Variants in KIAA0586 observed in about 807,000 individuals in gnomAD.
The protein encoded by KIAA0586 is protein TALPID3.
A neutral mutation model predicts 169.8 loss-of-function variants in KIAA0586; 144 were observed. That is an observed-to-expected ratio of 0.85 (90% CI 0.74 to 0.97). The LOEUF (loss-of-function observed/expected upper bound fraction) is 0.97. Ranked by LOEUF, KIAA0586 falls within the 50% of genes least tolerant of loss-of-function variation. KIAA0586 has a pLI of 0.00. For missense variants in KIAA0586, 1,854 were observed against 1,823.0 expected (o/e 1.02, Z -0.31); for synonymous variants, 625 against 612.4 (o/e 1.02, Z -0.30).
chr14:58,440,329 G>T (rs1006510055), intron 4 of KIAA0586, among the ~76,000 whole-genome samples: 1 of 148,938 alleles, frequency 6.7e-6, no homozygotes, highest in Admixed American at 6.7e-5. Flanking sequence ...CCTCTTTCCT[G>T]TCCTGTCCTG....
At position 58,470,621 on chromosome 14, in the gene KIAA0586, C is replaced by A. The variant is rs775873963; in HGVS notation, c.2451C>A (p.Pro817=). The A allele has an allele frequency of 1.3e-6, 2 of 1,584,454 alleles. No individual in the cohort carries two copies. The highest frequency in any genetic ancestry group is 3.3e-5 in the Admixed American group (2 of 59,860). The stretch of plus-strand genomic sequence containing the variant: ...GTTGTATTCTGTTTTAGGTATTACC[C>A]AGTGTAGATATTGACAGCATTTCAA... The part of the protein sequence containing the change: ...DPPQLTVQVL[P]SVDIDSISNS... The change falls in exon 17 of 31, where the codon CCC becomes CCA. Residue 817 remains proline, a synonymous_variant. Transcript: ENST00000652326.
Position 58,443,968 on chromosome 14 carries a change from G to A in KIAA0586, c.600G>A (p.Leu200=), listed in dbSNP as rs61738360. 1.5e-4 allele frequency: 248 copies of A among 1,602,352 alleles called. No homozygotes were observed. In the African/African-American group the frequency reaches 3.1e-3, roughly 20 times the overall value. The change falls in exon 6 of 31, where the codon TTG becomes TTA. Residue 200 remains leucine (L), a synonymous_variant. Transcript: ENST00000652326. ...AAPLIKVQSD[L]EAKVNSVTEL... The stretch of plus-strand genomic sequence containing the variant: ...TATTGTTTTAGGTGCAGAGTGATTT[G>A]GAAGCAAAAGTCAATTCTGTTACAG...
intron 27 of KIAA0586, among the ~76,000 whole-genome samples, chr14:58,506,128 T>A (rs2043922516): frequency 6.6e-6 from 1 of 152,162 alleles, no homozygotes; most frequent in Non-Finnish European, 1.5e-5. Context: ...AATATCTTCT[T>A]TTTTTAACAT....
At position 58,547,993 on chromosome 14, in the gene KIAA0586, C is replaced by A; in HGVS notation, c.*61C>A. On this transcript the variant is annotated 3_prime_UTR_variant, in exon 31 of 31. Coordinates refer to ENST00000652326, the MANE Select transcript of KIAA0586 (RefSeq NM_001329943.3). ...TGGTTTTAAAGTCATTTTACCTTGGCTTAAAACCCTCTCTCAGACTGTTTG... is the reference window on the plus strand; with the variant it reads ...TGGTTTTAAAGTCATTTTACCTTGGATTAAAACCCTCTCTCAGACTGTTTG... 1 of 1,582,196 alleles carries A rather than the reference C, an allele frequency of 6.3e-7. No homozygotes were observed. Among genetic ancestry groups the A allele is most frequent in the South Asian group, 1.1e-5 (1 of 87,862 alleles).
the KIAA0586 span, among the ~76,000 whole-genome samples, chr14:58,559,225 C>A: frequency 6.6e-6 from 1 of 152,226 alleles, no homozygotes; most frequent in Non-Finnish European, 1.5e-5. Context: ...TTGAGAGAGT[C>A]TGTATGCAGA....
chr14:58,485,456 C>A (rs1262880831), intron 21 of KIAA0586, among the ~76,000 whole-genome samples: 1 of 152,076 alleles, frequency 6.6e-6, no homozygotes, highest in Admixed American at 6.5e-5. Flanking sequence ...ATAGTAAAAT[C>A]TTGTAGTAGG....
chr14:58,494,385 T>C (rs766062429), intron 26 of KIAA0586, among the ~76,000 whole-genome samples: 1 of 151,850 alleles, frequency 6.6e-6, no homozygotes, highest in Non-Finnish European at 1.5e-5. Context: ...TCTGTGTCTG[T>C]CTGTCTGATT....
chr14:58,469,215 T>C (rs2041010946), intron 16 of KIAA0586, among the ~76,000 whole-genome samples: 1 of 152,194 alleles, frequency 6.6e-6, no homozygotes, highest in African/African-American at 2.4e-5. Context: ...CTAAAATTGA[T>C]AGTGTGTTTT....
intron 29 of KIAA0586, among the ~76,000 whole-genome samples, chr14:58,518,578 A>G (rs553579701): frequency 6.6e-6 from 1 of 152,348 alleles, no homozygotes; most frequent in South Asian, 2.1e-4. Context: ...TGTGTAATCA[A>G]CACAGTTTAA....
rs142477754 is a variant in KIAA0586 at position 58,450,756 on chromosome 14, AC to A, written c.1129+11del. On this transcript the variant is annotated intron_variant, in intron 8 of 30. Transcript: ENST00000652326. ...GTGTCGTGTCACAGAGGTAATAGAG[AC>A]TTTTACTAGACCTATCCCAAATTAG... 4.8e-4 allele frequency: 747 copies of A among 1,552,934 alleles called. 5 individuals carry two copies. In the East Asian group the frequency reaches 0.015, roughly 32 times the overall value.
intron 27 of KIAA0586, among the ~76,000 whole-genome samples, chr14:58,505,146 T>C (rs1347551628): frequency 6.6e-6 from 1 of 152,212 alleles, no homozygotes; most frequent in Admixed American, 6.5e-5. Context: ...CATATAATTA[T>C]ATGCACACAT....
rs964424985 is a variant in KIAA0586, at chr14:58,550,693, T to G, written c.*2761T>G. 1 of 151,688 alleles carries G rather than the reference T, an allele frequency of 6.6e-6. No individual in the cohort carries two copies. Among genetic ancestry groups the G allele is most frequent in the African/African-American group, 2.4e-5 (1 of 41,208 alleles). The allele number at this position is 151,688 out of a possible 1,614,324, so 9.4% of individuals were successfully genotyped here. A position where few individuals can be genotyped will look rare whatever the true frequency, so the allele number is the denominator to read the frequency against. On this transcript the variant is annotated 3_prime_UTR_variant, in exon 31 of 31. Transcript: ENST00000652326. Reference sequence around the variant, plus strand: ...ACCAAAAATACAAAAAATTAGCTGGTCATGGTTGCACACACCTGTAGCCCC... The same window carrying G: ...ACCAAAAATACAAAAAATTAGCTGGGCATGGTTGCACACACCTGTAGCCCC...
chr14:58,523,166 T>C (rs557161075), intron 29 of KIAA0586, among the ~76,000 whole-genome samples: 5 of 152,248 alleles, frequency 3.3e-5, no homozygotes, highest in African/African-American at 9.6e-5. Flanking sequence ...AAATAAGACA[T>C]TGAATATTAT....
chr14:58,487,434 C>G (rs751548902), intron 22 of KIAA0586, among the ~76,000 whole-genome samples: 1 of 151,980 alleles, frequency 6.6e-6, no homozygotes, highest in East Asian at 1.9e-4. Flanking sequence ...TGGTGAAACC[C>G]CTCTCTACTA....
chr14:58,510,754 G>A (rs2044330223), intron 28 of KIAA0586, among the ~76,000 whole-genome samples: 1 of 151,994 alleles, frequency 6.6e-6, no homozygotes, highest in South Asian at 2.1e-4. Context: ...TGGACAAATT[G>A]TGGTGTATCC....
At chr14:58,439,937 A>G (rs1321645138) in intron 4 of KIAA0586, 2 of 435,400 alleles carry the variant, frequency 4.6e-6, no homozygotes, top group South Asian at 1.2e-4. Context: ...CCAAATACCG[A>G]GCAAATTGGC....
At position 58,543,143 on chromosome 14, in the gene KIAA0586, A is replaced by AG. The variant is rs796875317; in HGVS notation, c.4495+3007_4495+3008insG. Reference sequence around the variant, plus strand: ...CGAGATTACGTCTCAAAAAAAAAAAAAAAAGAAAAGAAACACCTCTGAAGT... The same window carrying AG: ...CGAGATTACGTCTCAAAAAAAAAAAAGAAAAGAAAAGAAACACCTCTGAAGT... On this transcript the variant is annotated intron_variant, in intron 30 of 30. Transcript: ENST00000652326. Among the ~76,000 whole-genome samples the AG allele has an allele frequency of 1.8e-3, 278 of 151,522 alleles. 2 individuals carry two copies. Among genetic ancestry groups the AG allele is most frequent in the African/African-American group, 6.2e-3 (255 of 41,304 alleles).
At chr14:58,529,683 A>T (rs1391996522) in intron 29 of KIAA0586, among the ~76,000 whole-genome samples, 1 of 152,140 alleles carries the variant, frequency 6.6e-6, no homozygotes, top group Non-Finnish European at 1.5e-5. Flanking sequence ...CTCTCAATAA[A>T]CTATCTATTG....
chr14:58,496,871 A>G (rs1178233702), intron 26 of KIAA0586, among the ~76,000 whole-genome samples: 1 of 152,208 alleles, frequency 6.6e-6, no homozygotes, highest in Non-Finnish European at 1.5e-5. Flanking sequence ...TCAAGTCATA[A>G]AATGTACTAG....
Sources: gnomAD v4.1 joint callset for allele counts (sites outside exome capture counted in the v4.1 genomes callset) on GRCh38, gnomAD v4.1.1 for gene constraint, MANE v1.5 for transcripts, NCBI Gene and HGNC (gene_info 2026-07-23, HGNC 2026-07-21) for gene names.